RNPEP: variants seen among roughly 807,000 people sequenced by gnomAD.
The protein encoded by RNPEP is arginyl aminopeptidase.
Under a neutral mutation model 70.1 loss-of-function variants are expected in RNPEP, and 57 were observed. The observed-to-expected ratio is 0.81, with a 90% CI of 0.66 to 1.01. RNPEP has a LOEUF of 1.01. Ranked by LOEUF, RNPEP falls within the 50% of genes least tolerant of loss-of-function variation. The pLI, the probability that RNPEP is intolerant of heterozygous loss-of-function variation, is 0.00. For synonymous variants in RNPEP, 335 were observed against 357.4 expected, an observed-to-expected ratio of 0.94 and a Z score of 0.71; for missense variants, 787 against 852.4, an observed-to-expected ratio of 0.92 and a Z score of 0.96.
At chr1:201,991,411 C>T (rs150004997) in intron 3 of RNPEP, among the ~76,000 whole-genome samples, 3 of 152,296 alleles carry the variant, frequency 2.0e-5, no homozygotes, top group East Asian at 3.9e-4. Flanking sequence ...CACGCCGGGC[C>T]GTGGGGGTTT....
intron 8 of RNPEP, among the ~76,000 whole-genome samples, chr1:202,002,036 G>GCCACTGCTGCCGCA (rs913342160): frequency 1.3e-4 from 20 of 152,242 alleles, no homozygotes; most frequent in African/African-American, 4.1e-4. Flanking sequence ...CTGGAGAGCT[G>GCCACTGCTGCCGCA]CCACTGCTGC....
Position 202,005,572 on chromosome 1 carries a change from T to C in RNPEP, c.1809T>C (p.Tyr603=). 1 of 1,614,166 alleles carries C rather than the reference T, an allele frequency of 6.2e-7. No homozygotes were observed. The change falls in exon 11 of 11, where the codon TAT becomes TAC. Residue 603 remains tyrosine (Y), a synonymous_variant. Coordinates refer to ENST00000295640, the MANE Select transcript of RNPEP (RefSeq NM_020216.4). ...GTTTCTTGCAGGGGAAGCAGAAGTA[T>C]ACACTTCCGCTGTACCACGCAATGA... ...EFLHNQGKQK[Y]TLPLYHAMMG... is the part of the protein sequence containing the mutation.
At chr1:201,983,335 T>C in intron 1 of RNPEP, 5 of 1,466,972 alleles carry the variant, frequency 3.4e-6, no homozygotes, top group Non-Finnish European at 4.5e-6. Context: ...CTCCAGCCAC[T>C]GGGCGGTGCA....
chr1:201,999,955 C>A lies in RNPEP; in HGVS notation c.1144C>A (p.His382Asn), dbSNP rs1472019984. ...AACGGGGCGGGCTCTGCTGCGTCAG[C>A]ACATGGACATCACTGGAGAGGAAAA... ...AATGRALLRQ[H>N]MDITGEENPL... The change falls in exon 6 of 11, where the codon CAC becomes AAC. Residue 382 changes from histidine (H) to asparagine (N), a missense_variant. By Grantham distance (68) the His-to-Asn change is moderately conservative. Coordinates refer to ENST00000295640, the MANE Select transcript of RNPEP (RefSeq NM_020216.4). 1.6e-5 allele frequency: 26 copies of A among 1,613,812 alleles called. No homozygotes were observed. Among genetic ancestry groups the A allele is most frequent in the Non-Finnish European group, 2.0e-5 (24 of 1,179,908 alleles).
At chr1:202,005,034 G>A (rs972229497) in intron 10 of RNPEP, among the ~76,000 whole-genome samples, 2 of 152,208 alleles carry the variant, frequency 1.3e-5, no homozygotes, top group African/African-American at 4.8e-5. Flanking sequence ...ATAAAGTCAG[G>A]GCTGCCTGCC....
intron 3 of RNPEP, among the ~76,000 whole-genome samples, chr1:201,995,133 C>T (rs1311055475): frequency 6.6e-6 from 1 of 151,240 alleles, no homozygotes; most frequent in Non-Finnish European, 1.5e-5. Flanking sequence ...TTTTTGTTTC[C>T]TCCAAGCCAC....
chr1:202,005,433 G>A (rs1198963593), intron 10 of RNPEP, 125 bp from the exon 11 acceptor site: 2 of 1,066,556 alleles, frequency 1.9e-6, no homozygotes, highest in African/African-American at 1.6e-5. Context: ...CCTCATTCCA[G>A]CTGTGATGCC....
rs1193958961 is a variant in RNPEP at position 201,983,062 on chromosome 1, C to T, written c.396C>T (p.Ala132=). 2 of 1,527,576 alleles carry T rather than the reference C, an allele frequency of 1.3e-6. No homozygotes were observed. The highest frequency in any genetic ancestry group is 2.4e-5 in the South Asian group (2 of 81,948). 94.6% of individuals were successfully genotyped at this position (1,527,576 alleles called of 1,614,324 possible). Residue 132 remains alanine, a synonymous_variant, in exon 1 of 11, where the codon GCC becomes GCT. Coordinates refer to ENST00000295640, the MANE Select transcript of RNPEP (RefSeq NM_020216.4). ...TGTCCTTCCCGCAGCCCTGCCGCGC[C>T]GCCGAGCGCCTCCAGGTGCTGCTCA... ...LCVSFPQPCR[A]AERLQVLLTY... is the part of the protein sequence containing the mutation.
chr1:201,995,382 A>G (rs1404995306), intron 3 of RNPEP, among the ~76,000 whole-genome samples: 3 of 152,198 alleles, frequency 2.0e-5, no homozygotes, highest in Non-Finnish European at 2.9e-5. Flanking sequence ...ACAAATTTCT[A>G]TTAACATTAG....
At chr1:201,987,719 T>A (rs938299567) in intron 1 of RNPEP, among the ~76,000 whole-genome samples, 1 of 150,816 alleles carries the variant, frequency 6.6e-6, no homozygotes, top group African/African-American at 2.4e-5. Context: ...ATTACAGGCG[T>A]GAGCCACTGC....
At chr1:201,994,264 C>A (rs1228496618) in intron 3 of RNPEP, among the ~76,000 whole-genome samples, 1 of 152,136 alleles carries the variant, frequency 6.6e-6, no homozygotes, top group Non-Finnish European at 1.5e-5. Context: ...TGTAGTTTAA[C>A]ATATTTTCTG....
intron 1 of RNPEP, among the ~76,000 whole-genome samples, chr1:201,987,488 A>AGT (rs1231517064): frequency 7.3e-6 from 1 of 137,268 alleles, no homozygotes; most frequent in East Asian, 2.2e-4. Flanking sequence ...CCCAGGCTGG[A>AGT]GTGCAGTGGC....
At position 201,989,181 on chromosome 1, in the gene RNPEP, C is replaced by T. The variant is rs10920296; in HGVS notation, c.588+137C>T. 3 of 1,282,068 alleles carry T rather than the reference C, an allele frequency of 2.3e-6. No individual in the cohort carries two copies. In the Middle Eastern group the frequency reaches 6.3e-4, roughly 269 times the overall value. The allele number at this position is 1,282,068 out of a possible 1,614,324, so 79.4% of individuals were successfully genotyped here. A position where few individuals can be genotyped will look rare whatever the true frequency, so the allele number is the denominator to read the frequency against. ...CTGAAAAATTGCTTACTTTTAAATT[C>T]TTCCACCTACTGAAGTTGTATGTAG... On this transcript the variant is annotated intron_variant, in intron 2 of 10. Coordinates refer to ENST00000295640, the MANE Select transcript of RNPEP (RefSeq NM_020216.4).
chr1:201,997,618 A>C, intron 5 of RNPEP, 64 bp downstream of exon 5: 2 of 1,279,192 alleles, frequency 1.6e-6, no homozygotes, highest in Non-Finnish European at 2.3e-6. Context: ...GGCCAGTGTG[A>C]TCTCCTTATG....
chr1:202,000,105 C>G, intron 6 of RNPEP, 90 bp downstream of exon 6: 1 of 900,804 alleles, frequency 1.1e-6, no homozygotes, highest in Non-Finnish European at 1.7e-6. Context: ...TCAGTGCACG[C>G]TTAGAATACT....
intron 1 of RNPEP, 84 bp downstream of exon 1, chr1:201,983,197 GGGA>G (rs906422709): frequency 1.9e-5 from 26 of 1,388,202 alleles, no homozygotes; most frequent in Non-Finnish European, 2.2e-5. Context: ...TACCCCACCC[GGGA>G]GGAGGGACAG....
At chr1:201,985,720 A>G (rs1441639455) in intron 1 of RNPEP, among the ~76,000 whole-genome samples, 1 of 152,200 alleles carries the variant, frequency 6.6e-6, no homozygotes, top group Non-Finnish European at 1.5e-5. Context: ...ATCATTTTAC[A>G]TTAGTATAAT....
At chr1:202,000,362 G>A (rs41270961) in intron 6 of RNPEP, 9,944 of 191,352 alleles carry the variant, frequency 0.052, 404 homozygotes, top group African/African-American at 0.12. Context: ...ATTTTACAGA[G>A]GATGGGACTG....
At chr1:201,993,957 C>G (rs559470291) in intron 3 of RNPEP, among the ~76,000 whole-genome samples, 7 of 151,760 alleles carry the variant, frequency 4.6e-5, no homozygotes, top group East Asian at 1.9e-4. Flanking sequence ...TCCAGCCCCC[C>G]ACCCTTGCCA....
Sources: allele counts gnomAD v4.1 joint callset (sites outside exome capture counted in the v4.1 genomes callset), GRCh38; gene constraint gnomAD v4.1.1; transcripts MANE v1.5; gene names NCBI Gene and HGNC (gene_info 2026-07-23, HGNC 2026-07-21).